Variants in SH2D4B observed in about 807,000 individuals in gnomAD.
SH2D4B encodes the protein SH2 domain containing 4B.
Under a neutral mutation model 61.5 loss-of-function variants are expected in SH2D4B, and 45 were observed. The ratio of observed to expected loss-of-function variants is 0.73; its 90% CI spans 0.58 to 0.94. SH2D4B has a LOEUF of 0.94. Ranked by LOEUF, SH2D4B falls within the 40% of genes least tolerant of loss-of-function variation. The pLI is 0.00. For missense variants in SH2D4B, 572 were observed against 574.2 expected, an observed-to-expected ratio of 1.00 and a Z score of 0.04; for synonymous variants, 224 against 220.4, an observed-to-expected ratio of 1.02 and a Z score of -0.14.
At chr10:80,622,274 T>TTATG (rs933267680) in intron 6 of SH2D4B, among the ~76,000 whole-genome samples, 6 of 152,254 alleles carry the variant, frequency 3.9e-5, no homozygotes, top group Admixed American at 3.9e-4. Context: ...GAAAGGGTTC[T>TTATG]TATGTATACA....
chr10:80,580,699 A>T (rs1388862650), intron 3 of SH2D4B, among the ~76,000 whole-genome samples: 1 of 152,096 alleles, frequency 6.6e-6, no homozygotes, highest in Non-Finnish European at 1.5e-5. Context: ...AAAATTTTTC[A>T]CTTTCTAGAA....
At chr10:80,568,589 G>A (rs992997090) in intron 1 of SH2D4B, among the ~76,000 whole-genome samples, 1 of 152,156 alleles carries the variant, frequency 6.6e-6, no homozygotes, top group East Asian at 1.9e-4. Context: ...CTGACCTGCA[G>A]GTGCTGTGTG....
At chr10:80,557,969 G>T (rs1395016724) in intron 1 of SH2D4B, among the ~76,000 whole-genome samples, 1 of 152,004 alleles carries the variant, frequency 6.6e-6, no homozygotes, top group Non-Finnish European at 1.5e-5. Flanking sequence ...ATAAGCATTT[G>T]ATGCTATAAA....
rs1221110281 is a variant in SH2D4B, at chr10:80,539,175, A to G, written c.184+660A>G. On this transcript the variant is annotated intron_variant, in intron 1 of 7. Transcript: ENST00000646907. The surrounding 1 kb of genome is among the most constrained non-coding windows in gnomAD (Gnocchi z 4.9). The stretch of plus-strand genomic sequence containing the variant: ...TTGTATGCAAAGTCATGTGCCAGTC[A>G]ATCCTATGGACTGGTACACCTGTGG... Among the ~76,000 whole-genome samples, 2 of 152,202 alleles carry G rather than the reference A, an allele frequency of 1.3e-5. No homozygotes were observed. The highest frequency in any genetic ancestry group is 4.8e-5 in the African/African-American group (2 of 41,454).
intron 5 of SH2D4B, chr10:80,607,318 G>A (rs1842531471): frequency 6.6e-6 from 1 of 152,250 alleles, no homozygotes; most frequent in Non-Finnish European, 1.5e-5. Context: ...AAGAGGCTGG[G>A]TGAAGCAGGC....
At chr10:80,553,166 C>G (rs1223780390) in intron 1 of SH2D4B, among the ~76,000 whole-genome samples, 1 of 152,224 alleles carries the variant, frequency 6.6e-6, no homozygotes, top group Non-Finnish European at 1.5e-5. Flanking sequence ...GATCCACCCA[C>G]CATGGCCTCC....
intron 5 of SH2D4B, among the ~76,000 whole-genome samples, chr10:80,605,072 C>T (rs1842502255): frequency 6.6e-6 from 1 of 152,154 alleles, no homozygotes; most frequent in South Asian, 2.1e-4. Flanking sequence ...GGATTACAGG[C>T]GTGAGCCACT....
chr10:80,577,825 GT>G (rs1461568640), intron 3 of SH2D4B, among the ~76,000 whole-genome samples: 2 of 151,800 alleles, frequency 1.3e-5, no homozygotes, highest in Non-Finnish European at 2.9e-5. Flanking sequence ...GCCTCCCAAA[GT>G]GCTGAGATTA....
At chr10:80,547,727 G>A (rs940996927) in intron 1 of SH2D4B, among the ~76,000 whole-genome samples, 7 of 152,130 alleles carry the variant, frequency 4.6e-5, no homozygotes, top group Non-Finnish European at 8.8e-5. Flanking sequence ...ACTTGATCAC[G>A]TGTGTATAAG....
chr10:80,566,895 G>C lies in SH2D4B; in HGVS notation c.185-3259G>C, dbSNP rs1841976211. ...GTTTCTATCAGTTATAATTAAATCG[G>C]TGTTTCTTTACTATATATTGCTTGT... is the stretch of plus-strand genomic sequence containing the variant. On this transcript the variant is annotated intron_variant, in intron 1 of 7. Transcript: ENST00000646907. Among the ~76,000 whole-genome samples the C allele has an allele frequency of 2.0e-5, 3 of 152,062 alleles. No homozygotes were observed. The South Asian group carries it at 6.2e-4, about 32-fold the overall frequency.
At chr10:80,596,526 T>C (rs531226485) in intron 4 of SH2D4B, among the ~76,000 whole-genome samples, 2 of 152,330 alleles carry the variant, frequency 1.3e-5, no homozygotes, top group South Asian at 4.1e-4. Context: ...TGTTCTGGCC[T>C]GCAGCTTAGG....
In SH2D4B at chr10:80,634,476, A is replaced by G. The variant is rs1227743697; in HGVS notation, c.1180A>G (p.Thr394Ala). Residue 394 changes from threonine to alanine, a missense_variant, in exon 7 of 8, where the codon ACG becomes GCG. Transcript: ENST00000646907. ...FLGVDPNRHATLTDLVDFHKE... is the reference protein window; with the variant it reads ...FLGVDPNRHAALTDLVDFHKE... ...GGGAGTGGACCCCAATCGCCATGCA[A>G]CGCTCACGGATCTCGTTGATTTCCA... The G allele has an allele frequency of 1.3e-6, 2 of 1,550,220 alleles. No individual in the cohort carries two copies. Among genetic ancestry groups the G allele is most frequent in the Non-Finnish European group, 1.7e-6 (2 of 1,146,958 alleles).
chr10:80,591,434 C>T (rs535683136), intron 4 of SH2D4B, among the ~76,000 whole-genome samples: 6 of 150,564 alleles, frequency 4.0e-5, no homozygotes, highest in East Asian at 1.9e-4. Context: ...TTGCTAGTGG[C>T]GACTCTTCAG....
intron 6 of SH2D4B, among the ~76,000 whole-genome samples, chr10:80,619,062 A>G (rs1307784607): frequency 1.3e-5 from 2 of 152,176 alleles, no homozygotes; most frequent in African/African-American, 2.4e-5. Context: ...TGTTGGTGCT[A>G]TCTGAGAACA....
intron 1 of SH2D4B, among the ~76,000 whole-genome samples, chr10:80,554,194 C>T (rs142582170): frequency 8.9e-4 from 136 of 152,310 alleles, no homozygotes; most frequent in African/African-American, 3.1e-3. Context: ...GAGAACACAT[C>T]GCTGTTGGGG....
At chr10:80,583,625 G>A (rs922924729) in intron 3 of SH2D4B, among the ~76,000 whole-genome samples, 3 of 151,984 alleles carry the variant, frequency 2.0e-5, no homozygotes, top group African/African-American at 7.3e-5. Flanking sequence ...AGCCAAAATC[G>A]TGCCACTGTA....
At position 80,538,447 on chromosome 10, in the gene SH2D4B, G is replaced by A. The variant is rs1174352765; in HGVS notation, c.116G>A (p.Trp39Ter). Reference sequence around the variant, plus strand: ...ATGCGGGAGGAGCAGCTGAGGCGCTGGAAGGAGCGGGAGACTTGGGAGGCC... The same window carrying A: ...ATGCGGGAGGAGCAGCTGAGGCGCTAGAAGGAGCGGGAGACTTGGGAGGCC... ...YKMREEQLRR[W>*]KERETWEALA... Residue 39 changes from tryptophan to a stop codon, truncating the protein, a stop_gained, in exon 1 of 8, where the codon TGG (tryptophan) becomes TAG (stop). Transcript: ENST00000646907. LOFTEE classifies it high-confidence loss of function. This position sits in a 1 kb window ranked among gnomAD's most constrained non-coding sequence, Gnocchi z 4.8. 31 of 1,498,588 alleles carry A rather than the reference G, an allele frequency of 2.1e-5. No homozygotes were observed. Among genetic ancestry groups the A allele is most frequent in the Non-Finnish European group, 2.5e-5 (28 of 1,122,830 alleles). 92.8% of individuals were successfully genotyped at this position (1,498,588 alleles called of 1,614,324 possible). A position where few individuals can be genotyped will look rare whatever the true frequency, so the allele number is the denominator to read the frequency against.
intron 7 of SH2D4B, among the ~76,000 whole-genome samples, chr10:80,642,313 T>A (rs921974965): frequency 1.2e-4 from 19 of 152,232 alleles, no homozygotes; most frequent in African/African-American, 4.1e-4. Context: ...ACATGCTTAC[T>A]AAATAATTGA....
intron 3 of SH2D4B, among the ~76,000 whole-genome samples, chr10:80,587,383 G>T (rs957361503): frequency 3.3e-5 from 5 of 151,952 alleles, no homozygotes. Flanking sequence ...CGGTTCAAGC[G>T]ATTCTCCTGC....
Sources: allele counts gnomAD v4.1 joint callset (sites outside exome capture counted in the v4.1 genomes callset), GRCh38; gene constraint gnomAD v4.1.1; non-coding constraint Gnocchi (gnomAD v3.1); transcripts MANE v1.5; gene names NCBI Gene and HGNC (gene_info 2026-07-23, HGNC 2026-07-21).